The following AATF variants were observed in gnomAD, a reference collection of about 807,000 sequenced individuals.
AATF encodes apoptosis antagonizing transcription factor.
AATF carries 48 observed loss-of-function variants against 63.7 expected under a neutral mutation model. The observed-to-expected ratio is 0.75, with a 90% CI of 0.60 to 0.96. AATF has a LOEUF of 0.96. Ranked by LOEUF, AATF falls within the 40% of genes least tolerant of loss-of-function variation. The pLI, the probability that AATF is intolerant of heterozygous loss-of-function variation, is 0.00. For synonymous variants in AATF, 258 were observed against 247.7 expected (o/e 1.04, Z -0.39); for missense variants, 639 against 685.7 (o/e 0.93, Z 0.76).
At chr17:36,973,191 A>G (rs2071053290) in intron 4 of AATF, among the ~76,000 whole-genome samples, 1 of 152,174 alleles carries the variant, frequency 6.6e-6, no homozygotes, top group South Asian at 2.1e-4. Context: ...CTCCTTAAGG[A>G]TACATTGTAC....
chr17:37,046,731 A>C (rs932452084), intron 11 of AATF, among the ~76,000 whole-genome samples: 12 of 17,362 alleles, frequency 6.9e-4, no homozygotes, highest in African/African-American at 3.4e-3. Flanking sequence ...TGCTCCCCCA[A>C]CACACACACA....
At chr17:37,001,340 A>AGAGG (rs1183576709) in intron 8 of AATF, among the ~76,000 whole-genome samples, 1 of 137,868 alleles carries the variant, frequency 7.3e-6, no homozygotes, top group Non-Finnish European at 1.6e-5. Context: ...GAGAAAGGAG[A>AGAGG]GAGGGAGGGA....
At chr17:36,968,061 CCT>C (rs1439872203) in intron 4 of AATF, among the ~76,000 whole-genome samples, 1 of 151,284 alleles carries the variant, frequency 6.6e-6, no homozygotes, top group East Asian at 1.9e-4. Context: ...TACTATCTCC[CCT>C]GTGTTTCCTT....
chr17:37,000,354 A>G (rs1263792576), intron 8 of AATF, among the ~76,000 whole-genome samples: 1 of 152,090 alleles, frequency 6.6e-6, no homozygotes, highest in East Asian at 1.9e-4. Context: ...TTAAGTTGCT[A>G]TTTACGGAGT....
chr17:37,032,241 CCTCTT>C (rs1567991078), intron 11 of AATF, among the ~76,000 whole-genome samples: 3 of 152,046 alleles, frequency 2.0e-5, no homozygotes, highest in African/African-American at 4.8e-5. Context: ...TGAAGAGCTT[CCTCTT>C]CTCCCTCATT....
At chr17:36,953,426 C>G (rs1597696538) in intron 3 of AATF, 130 bp downstream of exon 3, 2 of 1,445,698 alleles carry the variant, frequency 1.4e-6, no homozygotes. Context: ...GCCCCACTTA[C>G]CCAGAAGCCT....
At chr17:37,034,647 A>C (rs1459408055) in intron 11 of AATF, 1 of 152,196 alleles carries the variant, frequency 6.6e-6, no homozygotes, top group Non-Finnish European at 1.5e-5. Flanking sequence ...ATATTAATAG[A>C]CCTGACTACA....
At chr17:37,005,609 A>C (rs1251417305) in intron 8 of AATF, among the ~76,000 whole-genome samples, 1 of 152,258 alleles carries the variant, frequency 6.6e-6, no homozygotes, top group Admixed American at 6.5e-5. Flanking sequence ...CTTTAAACAC[A>C]AATGACATAT....
intron 11 of AATF, among the ~76,000 whole-genome samples, chr17:37,041,031 T>C (rs2071634264): frequency 1.3e-5 from 2 of 152,168 alleles, no homozygotes; most frequent in African/African-American, 4.8e-5. Context: ...TAGTGCATGC[T>C]TATGGAAGAA....
intron 11 of AATF, among the ~76,000 whole-genome samples, chr17:37,040,086 G>T (rs780378932): frequency 3.4e-4 from 52 of 152,116 alleles, no homozygotes; most frequent in Non-Finnish European, 6.9e-4. Context: ...TTAAGGACTT[G>T]TTTTTTAATT....
chr17:36,996,438 A>G (rs1208813060), intron 8 of AATF, among the ~76,000 whole-genome samples: 1 of 152,218 alleles, frequency 6.6e-6, no homozygotes, highest in African/African-American at 2.4e-5. Context: ...AACAAATGAA[A>G]TAAAAATTAA....
intron 4 of AATF, among the ~76,000 whole-genome samples, chr17:36,975,315 A>G (rs1282503842): frequency 2.0e-5 from 3 of 152,146 alleles, no homozygotes; most frequent in Non-Finnish European, 4.4e-5. Context: ...GTAAATTACA[A>G]TCATGCCATT....
At chr17:37,007,184 T>C (rs919066254) in intron 8 of AATF, among the ~76,000 whole-genome samples, 1 of 152,002 alleles carries the variant, frequency 6.6e-6, no homozygotes, top group African/African-American at 2.4e-5. Flanking sequence ...ACTTGACTCT[T>C]TGATTTTAGG....
chr17:37,042,269 C>T (rs1293422991), intron 11 of AATF, among the ~76,000 whole-genome samples: 1 of 151,908 alleles, frequency 6.6e-6, no homozygotes, highest in African/African-American at 2.4e-5. Flanking sequence ...TATCCCAGAA[C>T]AATTATTCAC....
rs71368437 is a variant in AATF at position 37,014,267 on chromosome 17, G to GTAATAATAATAATAA, written c.1399-4716_1399-4702dup. Among the ~76,000 whole-genome samples, 415 of 145,076 alleles carry GTAATAATAATAATAA rather than the reference G, an allele frequency of 2.9e-3. 2 individuals carry two copies. The highest frequency in any genetic ancestry group is 0.01 in the African/African-American group (389 of 38,634). On this transcript the variant is annotated intron_variant, in intron 8 of 11. Coordinates refer to ENST00000619387, the MANE Select transcript of AATF (RefSeq NM_012138.4). The stretch of plus-strand genomic sequence containing the variant: ...TGGGTGACAGAGCAAGACTGTCTTA[G>GTAATAATAATAATAA]TAATAATAATAATAATAATAATAAT...
At chr17:36,971,482 A>G (rs2071038898) in intron 4 of AATF, among the ~76,000 whole-genome samples, 1 of 152,272 alleles carries the variant, frequency 6.6e-6, no homozygotes, top group Non-Finnish European at 1.5e-5. Context: ...AATGCAAAAT[A>G]GTACAGCCAC....
chr17:37,001,067 C>A (rs371589214), intron 8 of AATF, among the ~76,000 whole-genome samples: 1 of 151,398 alleles, frequency 6.6e-6, no homozygotes, highest in Non-Finnish European at 1.5e-5. Context: ...GCCTGTTATC[C>A]CAATACTTTG....
chr17:36,962,911 C>T (rs1191478367), intron 4 of AATF, among the ~76,000 whole-genome samples: 2 of 152,148 alleles, frequency 1.3e-5, no homozygotes, highest in African/African-American at 4.8e-5. Context: ...CACCTGAGGT[C>T]AGGTGTTCGA....
At chr17:37,041,229 A>G (rs1328759203) in intron 11 of AATF, among the ~76,000 whole-genome samples, 1 of 152,184 alleles carries the variant, frequency 6.6e-6, no homozygotes, top group Non-Finnish European at 1.5e-5. Flanking sequence ...AAGTATTTTT[A>G]AAAGCATTTT....
Sources: allele counts gnomAD v4.1 joint callset (sites outside exome capture counted in the v4.1 genomes callset), GRCh38; gene constraint gnomAD v4.1.1; transcripts MANE v1.5; gene names NCBI Gene and HGNC (gene_info 2026-07-23, HGNC 2026-07-21).